CPLX2: variants seen among roughly 807,000 people sequenced by gnomAD.
The protein encoded by CPLX2 is complexin-2.
CPLX2 carries 5 observed loss-of-function variants against 16.3 expected under a neutral mutation model. That is an observed-to-expected ratio of 0.31 (90% CI 0.16 to 0.64). CPLX2 has a LOEUF of 0.64. Ranked by LOEUF, CPLX2 falls within the 30% of genes least tolerant of loss-of-function variation. The pLI is 0.79. For missense variants in CPLX2, 144 were observed against 181.4 expected (o/e 0.79, Z 1.18); for synonymous variants, 89 against 73.2 (o/e 1.22, Z -1.10).
At chr5:175,807,075 G>A (rs1758220608) in intron 1 of CPLX2, among the ~76,000 whole-genome samples, 1 of 152,224 alleles carries the variant, frequency 6.6e-6, no homozygotes, top group South Asian at 2.1e-4. Context: ...GCCCAGCACA[G>A]AGGCACAGAA....
In CPLX2 at chr5:175,856,774, G is replaced by A. The variant is rs181821830; in HGVS notation, c.-88-21878G>A. Among the ~76,000 whole-genome samples the A allele has an allele frequency of 2.1e-3, 317 of 152,222 alleles. 1 individual carries two copies. The highest frequency in any genetic ancestry group is 3.2e-3 in the Non-Finnish European group (218 of 68,014). ...CAAATGTGCAGGGCCTGCGCACAGC[G>A]GGTTCTCAGGAAGGTGGGGGGTGGG... is the stretch of plus-strand genomic sequence containing the variant. On this transcript the variant is annotated intron_variant, in intron 2 of 4. Coordinates refer to the CPLX2 transcript ENST00000359546.
In CPLX2 at chr5:175,878,673, A is replaced by T. The variant is rs1581106861; in HGVS notation, c.-67A>T. 6.3e-7 allele frequency: 1 copy of T among 1,582,544 alleles called. No individual in the cohort carries two copies. ...GCAGGTTGTCACATCTTCCCAAGCC[A>T]GGCCAGCCAGGAGCGCTGCATGCAA... is the stretch of plus-strand genomic sequence containing the variant. On this transcript the variant is annotated 5_prime_UTR_variant, in exon 2 of 4. Coordinates refer to ENST00000393745, the MANE Select transcript of CPLX2 (RefSeq NM_001008220.2).
At chr5:175,831,056 G>A (rs1004803376) in intron 2 of CPLX2, among the ~76,000 whole-genome samples, 17 of 152,218 alleles carry the variant, frequency 1.1e-4, no homozygotes, top group East Asian at 9.7e-4. Flanking sequence ...GCATAAGTGC[G>A]TCTCTGTGTC....
At chr5:175,814,402 G>A (rs1248111007) in intron 2 of CPLX2, among the ~76,000 whole-genome samples, 1 of 152,244 alleles carries the variant, frequency 6.6e-6, no homozygotes, top group Admixed American at 6.5e-5. Flanking sequence ...CAGACCCTAG[G>A]CCTCTGGTTT....
exon 1 of CPLX2, chr5:175,796,689 C>T (rs1022032823): frequency 1.3e-5 from 2 of 152,424 alleles, no homozygotes; most frequent in African/African-American, 2.4e-5. Context: ...GGGAGCGCCT[C>T]GGCGGAGGAG....
At chr5:175,819,422 C>A (rs1758467997) in intron 2 of CPLX2, among the ~76,000 whole-genome samples, 1 of 152,214 alleles carries the variant, frequency 6.6e-6, no homozygotes, top group Non-Finnish European at 1.5e-5. Context: ...TATTTTCCGT[C>A]TTTTCCATTT....
chr5:175,818,341 A>G (rs1315342705), intron 2 of CPLX2, among the ~76,000 whole-genome samples: 1 of 152,148 alleles, frequency 6.6e-6, no homozygotes, highest in Non-Finnish European at 1.5e-5. Context: ...GGGAGTGGTG[A>G]CAGGTGGGCT....
intron 2 of CPLX2, among the ~76,000 whole-genome samples, chr5:175,842,192 G>A (rs1758956365): frequency 6.6e-6 from 1 of 152,230 alleles, no homozygotes; most frequent in African/African-American, 2.4e-5. Context: ...AGCTGTGGGT[G>A]CCAGCAGGAT....
chr5:175,807,694 A>AT (rs59196623), intron 1 of CPLX2, among the ~76,000 whole-genome samples: 95,253 of 137,402 alleles, frequency 0.69, 30,332 homozygotes, highest in East Asian at 0.89. Flanking sequence ...CCACTTACTC[A>AT]TCATTCATTC....
intron 1 of CPLX2, among the ~76,000 whole-genome samples, chr5:175,797,724 C>A (rs1285642467): frequency 6.6e-6 from 1 of 152,086 alleles, no homozygotes; most frequent in Non-Finnish European, 1.5e-5. Context: ...GTTCCGCCCC[C>A]ACCTCCAGAG....
Position 175,823,365 on chromosome 5 carries a change from T to C in CPLX2, c.-89+14297T>C, listed in dbSNP as rs529199511. On this transcript the variant is annotated intron_variant, in intron 2 of 4. Transcript: ENST00000359546. ...GTGAATGCATGGATGGTAGGATAGA[T>C]GAGGGTAGGTGAATGAATGAGTGAG... is the stretch of plus-strand genomic sequence containing the variant. 1.2e-3 allele frequency among the ~76,000 whole-genome samples: 183 copies of C among 152,070 alleles called. 1 individual carries two copies. Among genetic ancestry groups the C allele is most frequent in the African/African-American group, 4.2e-3 (173 of 41,448 alleles).
intron 1 of CPLX2, among the ~76,000 whole-genome samples, chr5:175,877,033 AC>A (rs916591772): frequency 6.6e-6 from 1 of 152,026 alleles, no homozygotes; most frequent in African/African-American, 2.4e-5. Context: ...TTCCTGCAAC[AC>A]CCCAGGCACT....
intron 2 of CPLX2, among the ~76,000 whole-genome samples, chr5:175,847,609 C>T (rs1479472392): frequency 6.6e-6 from 1 of 152,230 alleles, no homozygotes; most frequent in Non-Finnish European, 1.5e-5. Flanking sequence ...TTACTGCCCT[C>T]AACTCAGCCC....
intron 2 of CPLX2, among the ~76,000 whole-genome samples, chr5:175,852,377 C>T (rs1449469268): frequency 6.6e-6 from 1 of 152,048 alleles, no homozygotes. Context: ...AGATTTGAGC[C>T]CATAGCTGTT....
intron 2 of CPLX2, among the ~76,000 whole-genome samples, chr5:175,860,498 A>G (rs995632448): frequency 1.2e-4 from 3 of 24,320 alleles, no homozygotes; most frequent in African/African-American, 4.7e-4. Flanking sequence ...AGAAAGAAAG[A>G]AAAGAAAGAA....
intron 1 of CPLX2, 42 bp from the exon 2 acceptor site, chr5:175,878,610 T>C: frequency 9.7e-7 from 1 of 1,034,188 alleles, no homozygotes; most frequent in Non-Finnish European, 1.5e-6. Context: ...GCCCTGCCTG[T>C]GCAGAGGCCT....
At position 175,849,872 on chromosome 5, in the gene CPLX2, C is replaced by A. The variant is rs565006954; in HGVS notation, c.-88-28780C>A. ...AGGTGGGCTCTCAGCAAACATGAGT[C>A]CCTTCCTCAAATATTAATGGAATTG... is the stretch of plus-strand genomic sequence containing the variant. On this transcript the variant is annotated intron_variant, in intron 2 of 4. Coordinates refer to the CPLX2 transcript ENST00000359546. The surrounding 1 kb of genome is among the most constrained non-coding windows in gnomAD (Gnocchi z 4.4). Among the ~76,000 whole-genome samples the A allele has an allele frequency of 1.3e-4, 20 of 152,328 alleles. No homozygotes were observed. Among genetic ancestry groups the A allele is most frequent in the South Asian group, 8.3e-4 (4 of 4,822 alleles).
At chr5:175,840,667 C>G (rs1252658264) in intron 2 of CPLX2, among the ~76,000 whole-genome samples, 1 of 152,226 alleles carries the variant, frequency 6.6e-6, no homozygotes, top group Admixed American at 6.5e-5. Context: ...GCACTGTTTT[C>G]CTAATGCAAA....
intron 2 of CPLX2, among the ~76,000 whole-genome samples, chr5:175,865,075 C>T (rs958062104): frequency 2.1e-5 from 2 of 94,408 alleles, no homozygotes; most frequent in South Asian, 3.5e-4. Context: ...CTCACATGCA[C>T]GCATGTGCGC....
Sources: allele counts gnomAD v4.1 joint callset (sites outside exome capture counted in the v4.1 genomes callset), GRCh38; gene constraint gnomAD v4.1.1; non-coding constraint Gnocchi (gnomAD v3.1); transcripts MANE v1.5; gene names NCBI Gene and HGNC (gene_info 2026-07-23, HGNC 2026-07-21).